Variants in CRACDL observed in about 807,000 individuals in gnomAD.
CRACDL encodes CRACD-like protein.
In CRACDL, 26 loss-of-function variants were observed where a neutral mutation model predicts 70.6. That is an observed-to-expected ratio of 0.37 (90% CI 0.27 to 0.51). The LOEUF is 0.51. CRACDL is among the 20% of genes least tolerant of loss of function. The probability of loss-of-function intolerance (pLI) is 0.94; values close to 1 mark genes in which losing one functional copy is unlikely to be tolerated. For synonymous variants in CRACDL, 618 were observed against 615.2 expected, an observed-to-expected ratio of 1.00 and a Z score of -0.07; for missense variants, 1,283 against 1,376.9, an observed-to-expected ratio of 0.93 and a Z score of 1.08.
intron 1 of CRACDL, chr2:98,869,500 G>C (rs1707268322): frequency 1.3e-5 from 3 of 231,074 alleles, no homozygotes; most frequent in South Asian, 1.1e-4. Context: ...CTTGGGCTTT[G>C]TTGACTGTGC....
chr2:98,821,941 C>T lies in CRACDL; in HGVS notation c.2332G>A (p.Ala778Thr), dbSNP rs1168668159. Residue 778 changes from alanine (A) to threonine (T), a missense_variant, in exon 7 of 10, where the codon GCG becomes ACG. By Grantham distance (58) the Ala-to-Thr change is moderately conservative. This residue lies in a region of CRACDL where 921 missense variants were observed against 881.9 expected (regional missense o/e 1.04). Coordinates refer to ENST00000397899, the MANE Select transcript of CRACDL (RefSeq NM_207362.3). ...TCTCCCGGGCCGGCGTCGGGGGGCG[C>T]GGGCTGGTGCGGGAGCGTGAAGCTC... Reference protein sequence around the residue: ...LQSFTLPHQPAPPDAGPGERE... With the variant: ...LQSFTLPHQPTPPDAGPGERE... The T allele has an allele frequency of 6.4e-7, 1 of 1,555,302 alleles. No homozygotes were observed. Among genetic ancestry groups the T allele is most frequent in the Non-Finnish European group, 8.7e-7 (1 of 1,154,334 alleles).
intron 1 of CRACDL, among the ~76,000 whole-genome samples, chr2:98,929,971 A>G (rs1478951825): frequency 1.3e-5 from 2 of 152,092 alleles, no homozygotes; most frequent in Admixed American, 1.3e-4. Context: ...ACCACGATAC[A>G]TTTGTATGCA....
intron 6 of CRACDL, among the ~76,000 whole-genome samples, chr2:98,825,914 C>T (rs2104479633): frequency 6.6e-6 from 1 of 152,326 alleles, no homozygotes; most frequent in African/African-American, 2.4e-5. Flanking sequence ...TGGCCCTAGC[C>T]CAACTGTCTC....
intron 7 of CRACDL, among the ~76,000 whole-genome samples, chr2:98,806,745 G>A (rs1575326716): frequency 6.6e-6 from 1 of 152,214 alleles, no homozygotes; most frequent in East Asian, 1.9e-4. Flanking sequence ...GCTAGAGCAC[G>A]ATTGAGAAAA....
chr2:98,894,437 G>C (rs1414919504), intron 1 of CRACDL, among the ~76,000 whole-genome samples: 1 of 152,210 alleles, frequency 6.6e-6, no homozygotes, highest in East Asian at 1.9e-4. Flanking sequence ...AAAATAGCCG[G>C]AGATGTGATT....
chr2:98,920,381 T>A (rs560008367), intron 1 of CRACDL, among the ~76,000 whole-genome samples: 1 of 152,262 alleles, frequency 6.6e-6, no homozygotes, highest in African/African-American at 2.4e-5. Flanking sequence ...ATACTTCGCA[T>A]GTGTAGGCAC....
Position 98,832,583 on chromosome 2 carries a change from A to G in CRACDL, c.376-71T>C, listed in dbSNP as rs1014226770. On this transcript the variant is annotated intron_variant, in intron 4 of 9. Coordinates refer to ENST00000397899, the MANE Select transcript of CRACDL (RefSeq NM_207362.3). ...TTTATCAACAAATCCTCCTGCTCTA[A>G]TTCATTCATGCTGGAAATGCCTTCA... 3 of 1,388,112 alleles carry G rather than the reference A, an allele frequency of 2.2e-6. No individual in the cohort carries two copies. The Admixed American group carries it at 6.2e-5, about 29-fold the overall frequency. The allele number at this position is 1,388,112 out of a possible 1,614,324, so 86.0% of individuals were successfully genotyped here.
chr2:98,826,638 G>C lies in CRACDL; in HGVS notation c.735+337C>G, dbSNP rs560642989. Among the ~76,000 whole-genome samples, 5 of 152,288 alleles carry C rather than the reference G, an allele frequency of 3.3e-5. No homozygotes were observed. In the South Asian group the frequency reaches 6.2e-4, roughly 19 times the overall value. ...CGCTGAGTGAGAAAGAAGGTAAGAA[G>C]CCTGGGGGGTAGGCAGGACCTGATG... On this transcript the variant is annotated intron_variant, in intron 6 of 9. Coordinates refer to ENST00000397899, the MANE Select transcript of CRACDL (RefSeq NM_207362.3).
At chr2:98,922,716 C>T (rs1404794164) in intron 1 of CRACDL, among the ~76,000 whole-genome samples, 1 of 152,156 alleles carries the variant, frequency 6.6e-6, no homozygotes, top group Admixed American at 6.5e-5. Flanking sequence ...CAAAACAGGG[C>T]CACGGAGGGA....
intron 1 of CRACDL, among the ~76,000 whole-genome samples, chr2:98,880,809 G>A (rs1360169196): frequency 1.3e-5 from 2 of 152,218 alleles, no homozygotes; most frequent in Admixed American, 1.3e-4. Flanking sequence ...CAGCCGGGGG[G>A]CTTTCTGGCC....
intron 6 of CRACDL, among the ~76,000 whole-genome samples, chr2:98,824,880 C>T (rs1041543169): frequency 2.0e-5 from 3 of 152,214 alleles, no homozygotes; most frequent in African/African-American, 7.2e-5. Flanking sequence ...TACAGAAGAA[C>T]TTTCAAAAGC....
At chr2:98,854,868 T>C (rs1706634133) in intron 1 of CRACDL, among the ~76,000 whole-genome samples, 2 of 152,186 alleles carry the variant, frequency 1.3e-5, no homozygotes, top group South Asian at 2.1e-4. Context: ...GACTGGAGAA[T>C]GAGGAAGTGC....
At chr2:98,799,764 C>T (rs1703995935) in intron 7 of CRACDL, among the ~76,000 whole-genome samples, 1 of 152,192 alleles carries the variant, frequency 6.6e-6, no homozygotes, top group Non-Finnish European at 1.5e-5. Context: ...CTCCCAACCA[C>T]CCAACCCCAA....
At position 98,850,240 on chromosome 2, in the gene CRACDL, G is replaced by A. The variant is rs144487062; in HGVS notation, c.-10-3430C>T. On this transcript the variant is annotated intron_variant, in intron 1 of 9. Transcript: ENST00000397899. ...ACTGCCAGGTAAGTGATGAAAACACGTTCAGGGTCACAGAGGAATGTCTGT... is the reference window on the plus strand; with the variant it reads ...ACTGCCAGGTAAGTGATGAAAACACATTCAGGGTCACAGAGGAATGTCTGT... 1.8e-3 allele frequency among the ~76,000 whole-genome samples: 275 copies of A among 152,330 alleles called. 2 individuals carry two copies. The highest frequency in any genetic ancestry group is 3.4e-3 in the Admixed American group (52 of 15,310).
chr2:98,880,063 G>A (rs1480283356), intron 1 of CRACDL, among the ~76,000 whole-genome samples: 1 of 152,224 alleles, frequency 6.6e-6, no homozygotes, highest in Admixed American at 6.5e-5. Flanking sequence ...ATCCCACAGT[G>A]CTGAGTACTT....
In CRACDL at chr2:98,914,311, C is replaced by T. The variant is rs115556364; in HGVS notation, c.-11+21627G>A. ...CCCAGCCCCCCACAGCAAGGAGCAC[C>T]ACCTCCTCACAGGCCTGTTTCCTGG... On this transcript the variant is annotated intron_variant, in intron 1 of 9. Transcript: ENST00000397899. 1.0e-3 allele frequency among the ~76,000 whole-genome samples: 158 copies of T among 152,330 alleles called. 1 individual carries two copies. The highest frequency in any genetic ancestry group is 3.6e-3 in the African/African-American group (150 of 41,588).
intron 1 of CRACDL, among the ~76,000 whole-genome samples, chr2:98,910,118 G>A (rs558073734): frequency 2.6e-5 from 4 of 152,228 alleles, no homozygotes; most frequent in South Asian, 4.1e-4. Flanking sequence ...GCAGGAAGCC[G>A]ATTTCAGAGA....
At chr2:98,800,255 C>T (rs998486259) in intron 7 of CRACDL, among the ~76,000 whole-genome samples, 8 of 152,148 alleles carry the variant, frequency 5.3e-5, no homozygotes, top group Non-Finnish European at 4.4e-5. Flanking sequence ...AAGGGCTATG[C>T]GGACACAGGG....
At chr2:98,883,677 A>G (rs1384354897) in intron 1 of CRACDL, among the ~76,000 whole-genome samples, 1 of 152,222 alleles carries the variant, frequency 6.6e-6, no homozygotes, top group Non-Finnish European at 1.5e-5. Context: ...TCTACCATCC[A>G]GAGAATAAAC....
Sources: gnomAD v4.1 joint callset for allele counts (sites outside exome capture counted in the v4.1 genomes callset) on GRCh38, gnomAD v4.1.1 for gene constraint, gnomAD v4.1.1 regional missense constraint, MANE v1.5 for transcripts, NCBI Gene and HGNC (gene_info 2026-07-23, HGNC 2026-07-21) for gene names.